Variants in RYR1 observed in about 807,000 individuals in gnomAD.
RYR1 encodes central core disease of muscle.
In RYR1, 342 loss-of-function variants were observed where a neutral mutation model predicts 583.5. That is an observed-to-expected ratio of 0.59 (90% CI 0.54 to 0.64). RYR1 has a LOEUF of 0.64. Among genes scored for constraint, RYR1 ranks in the 30% least tolerant of loss-of-function variants. RYR1 has a pLI of 0.00. For missense variants in RYR1, 6,032 were observed against 6,917.2 expected (o/e 0.87, Z 4.54); for synonymous variants, 2,791 against 2,822.5 (o/e 0.99, Z 0.35).
At position 38,538,962 on chromosome 19, in the gene RYR1, C is replaced by CT. The variant is rs1003124167; in HGVS notation, c.11689+1005dup. On this transcript the variant is annotated intron_variant, in intron 84 of 105. Coordinates refer to ENST00000359596, the MANE Select transcript of RYR1 (RefSeq NM_000540.3). ...ACAGTCTCAAGATTGTGGTTATAAC[C>CT]TTTAGCAGGTGATTAGGAAACCACA... Among the ~76,000 whole-genome samples, 124 of 152,282 alleles carry CT rather than the reference C, an allele frequency of 8.1e-4. 1 individual carries two copies. The highest frequency in any genetic ancestry group is 1.2e-3 in the Admixed American group (18 of 15,302).
intron 89 of RYR1, among the ~76,000 whole-genome samples, chr19:38,558,650 A>T (rs1484134681): frequency 6.6e-6 from 1 of 151,308 alleles, no homozygotes; most frequent in East Asian, 2.0e-4. Flanking sequence ...GTGGTAGCAC[A>T]TGCCTGTAAT....
At chr19:38,568,624 T>C (rs900615391) in intron 93 of RYR1, among the ~76,000 whole-genome samples, 1 of 149,916 alleles carries the variant, frequency 6.7e-6, no homozygotes, top group African/African-American at 2.5e-5. Flanking sequence ...TAGTGGTGCA[T>C]GCCTGCAATT....
At chr19:38,467,408 G>C (rs924197727) in intron 24 of RYR1, among the ~76,000 whole-genome samples, 2 of 152,066 alleles carry the variant, frequency 1.3e-5, no homozygotes, top group African/African-American at 4.8e-5. Flanking sequence ...TACAGAGATG[G>C]GGGTCTCTCT....
intron 48 of RYR1, 48 bp downstream of exon 48, chr19:38,502,775 A>G (rs1337755779): frequency 1.8e-6 from 1 of 558,724 alleles, no homozygotes; most frequent in South Asian, 1.9e-5. Context: ...GGGCAGGGGC[A>G]GGGGCAGGGG....
Position 38,444,912 on chromosome 19 carries a change from A to G in RYR1, c.631+235A>G, listed in dbSNP as rs560409727. 2.0e-5 allele frequency among the ~76,000 whole-genome samples: 3 copies of G among 151,372 alleles called. No individual in the cohort carries two copies. The East Asian group carries it at 5.9e-4, about 30-fold the overall frequency. On this transcript the variant is annotated intron_variant, in intron 7 of 105. Transcript: ENST00000359596. This position sits in a 1 kb window ranked among gnomAD's most constrained non-coding sequence, Gnocchi z 5.1. ...TCCCAAACTTAGACCCCAAAGTATTAGCCCCCAAGGCTCCTAAACTCAGAT... is the reference window on the plus strand; with the variant it reads ...TCCCAAACTTAGACCCCAAAGTATTGGCCCCCAAGGCTCCTAAACTCAGAT...
rs143019709 is a variant in RYR1, at chr19:38,582,280, C to T, written c.14646+1776C>T. On this transcript the variant is annotated intron_variant, in intron 101 of 105. Coordinates refer to ENST00000359596, the MANE Select transcript of RYR1 (RefSeq NM_000540.3). ...GGCATGGTGGCGCATGCCTGTAATC[C>T]CAGCTACTCGGGAGGCTGAGACAGG... Among the ~76,000 whole-genome samples, 112 of 152,128 alleles carry T rather than the reference C, an allele frequency of 7.4e-4. 1 individual carries two copies. The East Asian group carries it at 0.02, about 27-fold the overall frequency.
In RYR1 at chr19:38,455,765, C is replaced by T. The variant is rs376723537; in HGVS notation, c.1791+14C>T. On this transcript the variant is annotated intron_variant, in intron 16 of 105. Coordinates refer to ENST00000359596, the MANE Select transcript of RYR1 (RefSeq NM_000540.3). ...AGGAACCACAAGGTCGGCCCCTCAC[C>T]CCTGACCTCTCATCCCCTGAACTCT... The T allele has an allele frequency of 1.0e-5, 15 of 1,494,258 alleles. No individual in the cohort carries two copies. The African/African-American group carries it at 1.5e-4, about 15-fold the overall frequency. The allele number at this position is 1,494,258 out of a possible 1,614,324, so 92.6% of individuals were successfully genotyped here.
chr19:38,557,665 A>G (rs906873385), intron 89 of RYR1, among the ~76,000 whole-genome samples: 1 of 152,188 alleles, frequency 6.6e-6, no homozygotes, highest in Non-Finnish European at 1.5e-5. Flanking sequence ...TTAGCTAGGC[A>G]TGGTGGCCTA....
At chr19:38,501,049 G>C (rs1207535950) in intron 47 of RYR1, 59 bp downstream of exon 47, 1 of 1,550,832 alleles carries the variant, frequency 6.4e-7, no homozygotes, top group African/African-American at 1.4e-5. Context: ...ACAGGAGATG[G>C]GTCACGGTAG....
At chr19:38,570,030 G>T (rs1973641057) in intron 93 of RYR1, among the ~76,000 whole-genome samples, 1 of 152,154 alleles carries the variant, frequency 6.6e-6, no homozygotes, top group Non-Finnish European at 1.5e-5. Flanking sequence ...TGAGTGTGGT[G>T]GTGCATACCT....
rs2145395637 is a variant in RYR1 at position 38,455,647 on chromosome 19, C to T, written c.1687C>T (p.Leu563=). Residue 563 remains leucine (L), a synonymous_variant, in exon 16 of 106, where the codon CTG becomes TTG. Coordinates refer to ENST00000359596, the MANE Select transcript of RYR1 (RefSeq NM_000540.3). ...LEASSGILEV[L]YCVLIESPEV... The stretch of plus-strand genomic sequence containing the variant: ...CACCCTGGCAGGCATCCTGGAGGTC[C>T]TGTACTGTGTCCTCATTGAGAGTCC... The T allele has an allele frequency of 2.5e-6, 4 of 1,613,564 alleles. No individual in the cohort carries two copies. Among genetic ancestry groups the T allele is most frequent in the Non-Finnish European group, 2.5e-6 (3 of 1,179,518 alleles).
In RYR1 at chr19:38,550,618, C is replaced by T. The variant is rs533640751; in HGVS notation, c.12282+2198C>T. Among the ~76,000 whole-genome samples, 7 of 152,032 alleles carry T rather than the reference C, an allele frequency of 4.6e-5. No individual in the cohort carries two copies. In the East Asian group the frequency reaches 9.7e-4, roughly 21 times the overall value. ...CTTGACCCCCTGGGCTCAGGCGATC[C>T]TCCTGCCTCAGCCACCCAAAGTGCT... is the stretch of plus-strand genomic sequence containing the variant. On this transcript the variant is annotated intron_variant, in intron 89 of 105. Coordinates refer to ENST00000359596, the MANE Select transcript of RYR1 (RefSeq NM_000540.3).
intron 93 of RYR1, among the ~76,000 whole-genome samples, chr19:38,570,287 A>T (rs1256902836): frequency 1.3e-5 from 2 of 151,968 alleles, no homozygotes; most frequent in East Asian, 3.9e-4. Context: ...CCCTGTCTCT[A>T]CTAAAAATAC....
intron 54 of RYR1, 91 bp from the exon 55 acceptor site, chr19:38,506,212 G>A: frequency 1.5e-6 from 2 of 1,303,176 alleles, no homozygotes; most frequent in Non-Finnish European, 2.2e-6. Context: ...GGTGGAGGGG[G>A]TAGAATGGAC....
At chr19:38,511,977 C>T (rs568350038) in intron 61 of RYR1, 95 bp from the exon 62 acceptor site, 1 of 1,412,828 alleles carries the variant, frequency 7.1e-7, no homozygotes, top group African/African-American at 1.4e-5. Context: ...CCGCAGGTAG[C>T]CTCAGGAAGA....
At chr19:38,478,830 C>T (rs1007127725) in intron 31 of RYR1, among the ~76,000 whole-genome samples, 14 of 152,170 alleles carry the variant, frequency 9.2e-5, no homozygotes, top group Admixed American at 3.3e-4. Context: ...TGCAATGGGA[C>T]GATCTTGGCT....
Position 38,478,547 on chromosome 19 carries a change from A to G in RYR1, c.4567A>G (p.Thr1523Ala), listed in dbSNP as rs1421177647. 3 of 1,614,104 alleles carry G rather than the reference A, an allele frequency of 1.9e-6. No individual in the cohort carries two copies. The highest frequency in any genetic ancestry group is 1.1e-5 in the South Asian group (1 of 91,092). The change falls in exon 31 of 106, where the codon ACT becomes GCT. Residue 1523 changes from threonine to alanine, a missense_variant. Coordinates refer to ENST00000359596, the MANE Select transcript of RYR1 (RefSeq NM_000540.3). ...CATTGGGTGCCTGGTGGACTTGGCC[A>G]CTGGCTTAATGACCTTTACAGCCAA... Reference protein sequence around the residue: ...LVIGCLVDLATGLMTFTANGK... With the variant: ...LVIGCLVDLAAGLMTFTANGK...
chr19:38,457,522 G>T lies in RYR1; in HGVS notation c.1817G>T (p.Cys606Phe). ...GTCCTGGACGTGCTATGCTCCCTGT[G>T]TGTGTGTAATGGTGTGGCTGTACGC... ...HKVLDVLCSLCVCNGVAVRSN... is the reference protein window; with the variant it reads ...HKVLDVLCSLFVCNGVAVRSN... The change falls in exon 17 of 106, where the codon TGT becomes TTT. Residue 606 changes from cysteine (C) to phenylalanine (F), a missense_variant. By Grantham distance (205) the Cys-to-Phe change is radical (BLOSUM62 -2). Coordinates refer to ENST00000359596, the MANE Select transcript of RYR1 (RefSeq NM_000540.3). 6.2e-7 allele frequency: 1 copy of T among 1,614,092 alleles called. No individual in the cohort carries two copies. The highest frequency in any genetic ancestry group is 8.5e-7 in the Non-Finnish European group (1 of 1,180,026).
At chr19:38,503,724 G>A (rs1287194293) in intron 49 of RYR1, among the ~76,000 whole-genome samples, 4 of 151,014 alleles carry the variant, frequency 2.6e-5, no homozygotes, top group East Asian at 1.9e-4. Flanking sequence ...AGTGAGCCGA[G>A]ATCGTGCCAC....
Sources: allele counts gnomAD v4.1 joint callset (sites outside exome capture counted in the v4.1 genomes callset), GRCh38; gene constraint gnomAD v4.1.1; non-coding constraint Gnocchi (gnomAD v3.1); transcripts MANE v1.5; gene names NCBI Gene and HGNC (gene_info 2026-07-23, HGNC 2026-07-21).